RFC1: variants seen among roughly 807,000 people sequenced by gnomAD.
RFC1 encodes replication factor C subunit 1.
In RFC1, 37 loss-of-function variants were observed where a neutral mutation model predicts 137.4. The ratio of observed to expected loss-of-function variants is 0.27; its 90% CI spans 0.21 to 0.35. The LOEUF (loss-of-function observed/expected upper bound fraction) is 0.35, where lower values mean the gene tolerates loss of function less well. Ranked by LOEUF, RFC1 falls within the 10% of genes least tolerant of loss-of-function variation. RFC1 has a pLI of 1.00. For missense variants in RFC1, 1,205 were observed against 1,358.5 expected (o/e 0.89, Z 1.78); for synonymous variants, 429 against 455.7 (o/e 0.94, Z 0.75).
At chr4:39,299,227 T>C (rs1210275406) in intron 21 of RFC1, among the ~76,000 whole-genome samples, 1 of 152,180 alleles carries the variant, frequency 6.6e-6, no homozygotes, top group Non-Finnish European at 1.5e-5. Context: ...TTTCAGTTAA[T>C]TTAATATCTA....
intron 4 of RFC1, among the ~76,000 whole-genome samples, chr4:39,335,105 C>A (rs1239489502): frequency 3.3e-5 from 5 of 152,044 alleles, no homozygotes; most frequent in Non-Finnish European, 7.4e-5. Flanking sequence ...ACACAAAAAG[C>A]AAATTAATGA....
rs1737444659 is a variant in RFC1, at chr4:39,287,681, A to T, written c.*1080T>A. The stretch of plus-strand genomic sequence containing the variant: ...GAGCATTTACCAACAAGATTAAAAA[A>T]TAGCTAGACATCTAAATTCCAGGCT... On this transcript the variant is annotated 3_prime_UTR_variant, in exon 25 of 25. Coordinates refer to ENST00000349703, the MANE Select transcript of RFC1 (RefSeq NM_002913.5). The T allele has an allele frequency of 6.6e-6, 1 of 152,212 alleles. No individual in the cohort carries two copies. Among genetic ancestry groups the T allele is most frequent in the African/African-American group, 2.4e-5 (1 of 41,442 alleles). The allele number at this position is 152,212 out of a possible 1,614,324, so 9.4% of individuals were successfully genotyped here.
At chr4:39,295,507 T>A in intron 22 of RFC1, 107 bp downstream of exon 22, 2 of 937,126 alleles carry the variant, frequency 2.1e-6, no homozygotes, top group East Asian at 2.6e-5. Flanking sequence ...TAGTTACCAA[T>A]AAAATAAAAA....
intron 14 of RFC1, among the ~76,000 whole-genome samples, chr4:39,305,571 A>G (rs1738596348): frequency 6.6e-6 from 1 of 152,168 alleles, no homozygotes; most frequent in Non-Finnish European, 1.5e-5. Flanking sequence ...CCGTGCCATT[A>G]CACTCCAGCC....
chr4:39,291,551 C>G (rs1737675042), intron 23 of RFC1, 88 bp downstream of exon 23: 7 of 921,716 alleles, frequency 7.6e-6, no homozygotes, highest in Non-Finnish European at 1.1e-5. Flanking sequence ...AGAAGTAAAT[C>G]TTAAAGCATC....
At chr4:39,315,564 G>A (rs866618976) in intron 10 of RFC1, among the ~76,000 whole-genome samples, 1 of 152,174 alleles carries the variant, frequency 6.6e-6, no homozygotes, top group South Asian at 2.1e-4. Flanking sequence ...GCATCTCCAT[G>A]TGGACATCTC....
At chr4:39,338,887 TTTGTA>T (rs1740482010) in intron 4 of RFC1, among the ~76,000 whole-genome samples, 1 of 152,206 alleles carries the variant, frequency 6.6e-6, no homozygotes, top group South Asian at 2.1e-4. Context: ...TATCTGCTAC[TTTGTA>T]ACCTCTAATC....
At position 39,287,698 on chromosome 4, in the gene RFC1, TTCCAGGCTAGGTCCATAGCC is replaced by T. The variant is rs1490197841; in HGVS notation, c.*1043_*1062del. 4 of 152,208 alleles carry T rather than the reference TTCCAGGCTAGGTCCATAGCC, an allele frequency of 2.6e-5. No individual in the cohort carries two copies. The highest frequency in any genetic ancestry group is 4.4e-5 in the Non-Finnish European group (3 of 68,048). The allele number at this position is 152,208 out of a possible 1,614,324, so 9.4% of individuals were successfully genotyped here. A position where few individuals can be genotyped will look rare whatever the true frequency, so the allele number is the denominator to read the frequency against. ...ATTAAAAAATAGCTAGACATCTAAA[TTCCAGGCTAGGTCCATAGCC>T]TCACGGCCACTCAACACATACAGTT... is the stretch of plus-strand genomic sequence containing the variant. On this transcript the variant is annotated 3_prime_UTR_variant, in exon 25 of 25. Coordinates refer to ENST00000349703, the MANE Select transcript of RFC1 (RefSeq NM_002913.5).
intron 4 of RFC1, chr4:39,341,441 G>A (rs1048811106): frequency 2.5e-5 from 9 of 363,162 alleles, no homozygotes; most frequent in Admixed American, 1.4e-4. Flanking sequence ...ACAAAGAAAC[G>A]TCTGTTTGGT....
In RFC1 at chr4:39,314,765, T is replaced by G. The variant is rs1434411663; in HGVS notation, c.1204-1834A>C. Among the ~76,000 whole-genome samples the G allele has an allele frequency of 4.6e-5, 7 of 152,120 alleles. No individual in the cohort carries two copies. The South Asian group carries it at 1.0e-3, about 23-fold the overall frequency. The stretch of plus-strand genomic sequence containing the variant: ...CTCTTTATTAGGGGAGCTATTAATC[T>G]CTATATGTACTTATATATACCAAGC... On this transcript the variant is annotated intron_variant, in intron 10 of 24. Transcript: ENST00000349703.
chr4:39,317,822 C>A (rs543411163), intron 9 of RFC1: 2 of 152,120 alleles, frequency 1.3e-5, no homozygotes, highest in Non-Finnish European at 2.9e-5. Context: ...TGTAAGCAAT[C>A]CCAAATCCTT....
Position 39,302,302 on chromosome 4 carries a change from G to A in RFC1, c.2511C>T (p.His837=), listed in dbSNP as rs765664420. 8.1e-6 allele frequency: 13 copies of A among 1,611,292 alleles called. No homozygotes were observed. The highest frequency in any genetic ancestry group is 1.1e-5 in the Non-Finnish European group (13 of 1,177,606). The stretch of plus-strand genomic sequence containing the variant: ...CCATTTTGATATCCTTTTTGGCTCT[G>A]TGAGAATCAGCTTTGGCCTGGTCAT... ...LTYDQAKADS[H]RAKKDIKMGP... Residue 837 remains histidine, a synonymous_variant, in exon 19 of 25, where the codon CAC becomes CAT. Transcript: ENST00000349703.
intron 8 of RFC1, 42 bp downstream of exon 8, chr4:39,321,245 T>C: frequency 1.4e-6 from 2 of 1,432,328 alleles, no homozygotes; most frequent in Non-Finnish European, 2.0e-6. Flanking sequence ...TTTACTTCCA[T>C]GAAGACAAGT....
chr4:39,353,420 A>AAAAT (rs1741312495), intron 1 of RFC1, among the ~76,000 whole-genome samples: 1 of 148,314 alleles, frequency 6.7e-6, no homozygotes, highest in Non-Finnish European at 1.5e-5. Context: ...AAAAAAAAAA[A>AAAAT]TTAAAAAAAA....
intron 4 of RFC1, among the ~76,000 whole-genome samples, chr4:39,329,233 A>G (rs2109693078): frequency 6.6e-6 from 1 of 150,670 alleles, no homozygotes; most frequent in Admixed American, 6.6e-5. Flanking sequence ...CGGGCACGGT[A>G]GCACACACCT....
chr4:39,342,287 AC>A (rs1740638406), intron 4 of RFC1, 57 bp downstream of exon 4: 2 of 1,531,350 alleles, frequency 1.3e-6, no homozygotes, highest in Non-Finnish European at 8.8e-7. Flanking sequence ...TTAGACACCA[AC>A]AAAAAACTCA....
intron 10 of RFC1, among the ~76,000 whole-genome samples, chr4:39,314,426 C>T (rs1413677577): frequency 2.0e-5 from 3 of 152,174 alleles, no homozygotes; most frequent in African/African-American, 7.2e-5. Context: ...AATCTTAGCA[C>T]TTCTAGCCTC....
chr4:39,328,939 T>C (rs1453126394), intron 4 of RFC1, among the ~76,000 whole-genome samples: 1 of 152,008 alleles, frequency 6.6e-6, no homozygotes, highest in African/African-American at 2.4e-5. Context: ...AGGTGAACCA[T>C]CTACTGATAT....
intron 12 of RFC1, among the ~76,000 whole-genome samples, chr4:39,309,607 G>A (rs549382182): frequency 2.0e-5 from 3 of 152,324 alleles, no homozygotes; most frequent in South Asian, 2.1e-4. Context: ...CCATACACAC[G>A]TGAAACGTCC....
Sources: gnomAD v4.1 joint callset for allele counts (sites outside exome capture counted in the v4.1 genomes callset) on GRCh38, gnomAD v4.1.1 for gene constraint, MANE v1.5 for transcripts, NCBI Gene and HGNC (gene_info 2026-07-23, HGNC 2026-07-21) for gene names.